The following MPDZ variants were observed in gnomAD, a reference collection of about 807,000 sequenced individuals.
MPDZ encodes multiple PDZ domain protein.
A neutral mutation model predicts 239.1 loss-of-function variants in MPDZ; 234 were observed. The observed-to-expected ratio is 0.98, with a 90% CI of 0.88 to 1.09. The LOEUF is 1.09. MPDZ is among the 50% of genes least tolerant of loss of function. The pLI is 0.00. For missense variants in MPDZ, 3,175 were observed against 2,510.0 expected (o/e 1.26, Z -5.66); for synonymous variants, 1,048 against 881.3 (o/e 1.19, Z -3.35).
intron 1 of MPDZ, among the ~76,000 whole-genome samples, chr9:13,251,462 C>T (rs190205816): frequency 1.1e-4 from 16 of 152,214 alleles, no homozygotes; most frequent in East Asian, 1.9e-4. Flanking sequence ...CCTTTGCTGC[C>T]GAACAAATCT....
intron 10 of MPDZ, among the ~76,000 whole-genome samples, chr9:13,213,953 A>G (rs940093506): frequency 6.6e-6 from 1 of 152,084 alleles, no homozygotes; most frequent in Admixed American, 6.6e-5. Context: ...ATTTTCCTGA[A>G]TATCACACAA....
intron 4 of MPDZ, 37 bp from the exon 5 acceptor site, chr9:13,223,747 C>T (rs1959573253): frequency 1.3e-6 from 2 of 1,541,534 alleles, no homozygotes; most frequent in Non-Finnish European, 1.8e-6. Context: ...AAACTAAAAG[C>T]CAGGCCATGC....
At position 13,133,915 on chromosome 9, in the gene MPDZ, G is replaced by C. The variant is rs1342354880; in HGVS notation, c.4384-11C>G. ...AACAGTTGGCTCTGTCTGACAGAGG[G>C]AAAGAAATGACAAAAAGAGCAACTG... On this transcript the variant is annotated splice_polypyrimidine_tract_variant and intron_variant, in intron 31 of 46. Coordinates refer to ENST00000319217, the MANE Select transcript of MPDZ (RefSeq NM_001378778.1). The C allele has an allele frequency of 4.1e-6, 6 of 1,474,372 alleles. No homozygotes were observed. The highest frequency in any genetic ancestry group is 4.5e-6 in the Non-Finnish European group (5 of 1,099,320). 91.3% of individuals were successfully genotyped at this position (1,474,372 alleles called of 1,614,324 possible). A position where few individuals can be genotyped will look rare whatever the true frequency, so the allele number is the denominator to read the frequency against.
intron 41 of MPDZ, 93 bp downstream of exon 41, chr9:13,113,838 T>C (rs1942912790): frequency 6.2e-6 from 6 of 964,894 alleles, no homozygotes; most frequent in Admixed American, 2.1e-5. Flanking sequence ...TGGGATGATT[T>C]GGGGGAAAAG....
intron 3 of MPDZ, among the ~76,000 whole-genome samples, chr9:13,226,124 T>G (rs1437265175): frequency 6.6e-6 from 1 of 152,014 alleles, no homozygotes; most frequent in African/African-American, 2.4e-5. Flanking sequence ...CTCGCCACAG[T>G]TGGTATCAGA....
intron 1 of MPDZ, among the ~76,000 whole-genome samples, chr9:13,271,152 T>C (rs576633079): frequency 5.3e-5 from 8 of 152,188 alleles, no homozygotes; most frequent in Non-Finnish European, 7.3e-5. Flanking sequence ...TTTTTACAAT[T>C]ACCGGTAGTA....
At position 13,192,154 on chromosome 9, in the gene MPDZ, A is replaced by C; in HGVS notation, c.1945T>G (p.Cys649Gly). ...TQSELDSLDL[C>G]DIELTEKPHV... ...ACCTTTTCTGTTAGCTCAATATCAC[A>C]TAAGTCCAGGCTATCCAATTCTGAT... The change falls in exon 15 of 47, where the codon TGT becomes GGT. Residue 649 changes from cysteine (C) to glycine (G), a missense_variant. By Grantham distance (159) the Cys-to-Gly change is radical (BLOSUM62 -3). Coordinates refer to ENST00000319217, the MANE Select transcript of MPDZ (RefSeq NM_001378778.1). 6.2e-7 allele frequency: 1 copy of C among 1,607,708 alleles called. No individual in the cohort carries two copies. Among genetic ancestry groups the C allele is most frequent in the African/African-American group, 1.3e-5 (1 of 74,936 alleles).
chr9:13,166,287 C>T (rs1022801233), intron 22 of MPDZ, among the ~76,000 whole-genome samples: 1 of 152,158 alleles, frequency 6.6e-6, no homozygotes, highest in Non-Finnish European at 1.5e-5. Flanking sequence ...AAACCTTTTG[C>T]TTCACGAAAC....
intron 15 of MPDZ, among the ~76,000 whole-genome samples, chr9:13,190,585 C>G (rs1031891828): frequency 6.6e-6 from 1 of 152,054 alleles, no homozygotes; most frequent in African/African-American, 2.4e-5. Flanking sequence ...GCGTGACTGT[C>G]ACTTTTTTCA....
In MPDZ at chr9:13,188,717, G is replaced by A. The variant is rs945416602; in HGVS notation, c.2364+67C>T. On this transcript the variant is annotated intron_variant, in intron 17 of 46. Coordinates refer to ENST00000319217, the MANE Select transcript of MPDZ (RefSeq NM_001378778.1). ...ATTCAATCATGAGAACACCTAAAGCGAAAAGTAGACCTATGAACCATTTTG... is the reference window on the plus strand; with the variant it reads ...ATTCAATCATGAGAACACCTAAAGCAAAAAGTAGACCTATGAACCATTTTG... 38 of 1,418,532 alleles carry A rather than the reference G, an allele frequency of 2.7e-5. No individual in the cohort carries two copies. In the South Asian group the frequency reaches 3.6e-4, roughly 14 times the overall value. 87.9% of individuals were successfully genotyped at this position (1,418,532 alleles called of 1,614,324 possible).
chr9:13,126,638 C>T (rs1484531079), intron 33 of MPDZ, 42 bp downstream of exon 33: 1 of 1,608,920 alleles, frequency 6.2e-7, no homozygotes, highest in Non-Finnish European at 8.5e-7. Flanking sequence ...AAAGTAATTC[C>T]CTCCCCAACT....
At chr9:13,237,609 A>G (rs1011299020) in intron 3 of MPDZ, among the ~76,000 whole-genome samples, 10 of 152,240 alleles carry the variant, frequency 6.6e-5, no homozygotes, top group Admixed American at 6.5e-4. Flanking sequence ...TGAAAATCAA[A>G]CTATGATTAT....
At chr9:13,244,679 T>C (rs937492593) in intron 3 of MPDZ, among the ~76,000 whole-genome samples, 1 of 152,000 alleles carries the variant, frequency 6.6e-6, no homozygotes, top group Admixed American at 6.6e-5. Flanking sequence ...AGTGTTTAAT[T>C]TGCCAAAGGG....
rs1385340963 is a variant in MPDZ at position 13,119,410 on chromosome 9, A to C, written c.5379+92T>G. The C allele has an allele frequency of 2.8e-6, 4 of 1,414,560 alleles. No homozygotes were observed. The Admixed American group carries it at 8.9e-5, about 31-fold the overall frequency. The allele number at this position is 1,414,560 out of a possible 1,614,324, so 87.6% of individuals were successfully genotyped here. On this transcript the variant is annotated intron_variant, in intron 39 of 46. Coordinates refer to ENST00000319217, the MANE Select transcript of MPDZ (RefSeq NM_001378778.1). ...TTGAGGTGACACTTTAAATAAAGAG[A>C]AGTCATTACTAATTTGACTATGATA...
intron 18 of MPDZ, among the ~76,000 whole-genome samples, chr9:13,185,105 T>C (rs1364782619): frequency 2.0e-5 from 3 of 152,088 alleles, no homozygotes; most frequent in Non-Finnish European, 4.4e-5. Context: ...CAGTACTGTA[T>C]GTAATTCGTT....
chr9:13,125,773 T>A (rs1945019228), intron 34 of MPDZ, among the ~76,000 whole-genome samples: 1 of 152,118 alleles, frequency 6.6e-6, no homozygotes, highest in South Asian at 2.1e-4. Context: ...ACAAACAGTT[T>A]TAATAAAATA....
intron 15 of MPDZ, 147 bp from the exon 16 acceptor site, chr9:13,190,446 G>C (rs1465900619): frequency 1.5e-6 from 1 of 646,342 alleles, no homozygotes; most frequent in Admixed American, 3.9e-5. Context: ...GAAACCTTTA[G>C]GAATTAAGGT....
At chr9:13,261,896 T>G (rs1382414208) in intron 1 of MPDZ, among the ~76,000 whole-genome samples, 1 of 150,068 alleles carries the variant, frequency 6.7e-6, no homozygotes, top group African/African-American at 2.5e-5. Context: ...ATTGTTAAAA[T>G]TAGCCAGGCG....
chr9:13,278,792 A>T (rs1049877890), intron 1 of MPDZ, among the ~76,000 whole-genome samples: 1 of 152,028 alleles, frequency 6.6e-6, no homozygotes, highest in Non-Finnish European at 1.5e-5. Flanking sequence ...CCCGCGGCTA[A>T]GGCGAGAACG....
Sources: allele counts gnomAD v4.1 joint callset (sites outside exome capture counted in the v4.1 genomes callset), GRCh38; gene constraint gnomAD v4.1.1; transcripts MANE v1.5; gene names NCBI Gene and HGNC (gene_info 2026-07-23, HGNC 2026-07-21).